The following IMMP2L variants were observed in gnomAD, a reference collection of about 807,000 sequenced individuals.
IMMP2L encodes the protein inner mitochondrial membrane peptidase subunit 2.
In IMMP2L, 18 loss-of-function variants were observed where a neutral mutation model predicts 19.3. That is an observed-to-expected ratio of 0.93 (90% CI 0.64 to 1.38). The LOEUF (loss-of-function observed/expected upper bound fraction) is 1.38, where lower values mean the gene tolerates loss of function less well. IMMP2L is among the 40% of genes most tolerant of loss of function. IMMP2L has a pLI of 0.00. For synonymous variants in IMMP2L, 76 were observed against 73.0 expected (o/e 1.04, Z -0.21); for missense variants, 233 against 218.2 (o/e 1.07, Z -0.43).
chr7:110,764,583 T>C (rs1798547051), intron 5 of IMMP2L, among the ~76,000 whole-genome samples: 1 of 152,122 alleles, frequency 6.6e-6, no homozygotes, highest in African/African-American at 2.4e-5. Context: ...ACAAATCCTG[T>C]ATTAAAAAAT....
chr7:111,059,120 T>C (rs529310333), intron 3 of IMMP2L, among the ~76,000 whole-genome samples: 1 of 152,028 alleles, frequency 6.6e-6, no homozygotes. Flanking sequence ...GTAGCTGGGA[T>C]TGCAGGCACC....
chr7:111,328,982 T>C (rs1178985431), intron 3 of IMMP2L, among the ~76,000 whole-genome samples: 1 of 151,840 alleles, frequency 6.6e-6, no homozygotes, highest in African/African-American at 2.4e-5. Context: ...AGTAAGACCT[T>C]GGTAAGATCT....
intron 3 of IMMP2L, among the ~76,000 whole-genome samples, chr7:111,297,109 GGAT>G (rs2129863751): frequency 6.6e-6 from 1 of 152,080 alleles, no homozygotes; most frequent in East Asian, 1.9e-4. Context: ...GGAATCTTTG[GGAT>G]AACAGGAAAG....
chr7:111,217,675 A>G (rs76552042), intron 3 of IMMP2L, among the ~76,000 whole-genome samples: 1,965 of 152,246 alleles, frequency 0.013, 16 homozygotes, highest in Non-Finnish European at 0.02. Flanking sequence ...TAACAAAACT[A>G]GTATATTTTA....
At chr7:111,539,205 A>G (rs867168721) in intron 1 of IMMP2L, among the ~76,000 whole-genome samples, 26,441 of 53,134 alleles carry the variant, frequency 0.5, 6,636 homozygotes, top group East Asian at 0.55. Flanking sequence ...GGAGAAAGAA[A>G]GAAAGAAAGA....
chr7:110,724,283 G>A (rs891029733), intron 5 of IMMP2L: 18 of 152,156 alleles, frequency 1.2e-4, no homozygotes, highest in African/African-American at 3.9e-4. Flanking sequence ...ATAAGATTAT[G>A]CTTTTGAGTT....
intron 5 of IMMP2L, among the ~76,000 whole-genome samples, chr7:110,852,831 T>C (rs1388394643): frequency 6.6e-6 from 1 of 152,030 alleles, no homozygotes; most frequent in African/African-American, 2.4e-5. Context: ...AACTAAGATC[T>C]AAGCCCACAG....
chr7:111,014,082 G>T (rs2129564213), intron 3 of IMMP2L, among the ~76,000 whole-genome samples: 1 of 152,186 alleles, frequency 6.6e-6, no homozygotes, highest in East Asian at 1.9e-4. Flanking sequence ...AGTACAAACA[G>T]GCCAGGTGTG....
chr7:111,139,504 T>C (rs1321665648), intron 3 of IMMP2L, among the ~76,000 whole-genome samples: 1 of 152,078 alleles, frequency 6.6e-6, no homozygotes, highest in Admixed American at 6.6e-5. Flanking sequence ...TTATCTATGG[T>C]GGGAAAAACT....
intron 3 of IMMP2L, among the ~76,000 whole-genome samples, chr7:111,079,602 T>C (rs1329416789): frequency 1.3e-5 from 2 of 152,344 alleles, no homozygotes; most frequent in African/African-American, 4.8e-5. Context: ...ACATGTGTGC[T>C]TGCATATGCA....
At chr7:111,234,215 A>G (rs892608097) in intron 3 of IMMP2L, among the ~76,000 whole-genome samples, 2 of 152,114 alleles carry the variant, frequency 1.3e-5, no homozygotes, top group Non-Finnish European at 2.9e-5. Context: ...ATTGACAAAT[A>G]TGTGGAGATT....
chr7:111,350,038 G>A (rs1382360560), intron 3 of IMMP2L, among the ~76,000 whole-genome samples: 2 of 151,108 alleles, frequency 1.3e-5, no homozygotes, highest in Non-Finnish European at 2.9e-5. Context: ...TGCGATCTCA[G>A]CTCACTGCAA....
At chr7:111,045,354 A>ACTACC (rs1357892988) in intron 3 of IMMP2L, among the ~76,000 whole-genome samples, 4 of 152,144 alleles carry the variant, frequency 2.6e-5, no homozygotes. Context: ...AGTCCAATAT[A>ACTACC]CTACCCTTTC....
At chr7:110,817,517 T>C (rs1244007119) in intron 5 of IMMP2L, among the ~76,000 whole-genome samples, 1 of 151,974 alleles carries the variant, frequency 6.6e-6, no homozygotes, top group East Asian at 1.9e-4. Flanking sequence ...GAATCAATAT[T>C]GTGAAAATGG....
At chr7:110,701,417 A>AT (rs999735150) in intron 5 of IMMP2L, among the ~76,000 whole-genome samples, 16 of 150,672 alleles carry the variant, frequency 1.1e-4, no homozygotes, top group Admixed American at 8.0e-4. Flanking sequence ...TGACAAAAGA[A>AT]TTTTTTTTTT....
Position 111,410,872 on chromosome 7 carries a change from A to T in IMMP2L, c.239+76366T>A, listed in dbSNP as rs193185444. On this transcript the variant is annotated intron_variant, in intron 3 of 5. Transcript: ENST00000405709. ...AAAGTATGAAGGAAGAAAATATTTTAAAAATAAACAGTCTTGGTAACATGT... is the reference window on the plus strand; with the variant it reads ...AAAGTATGAAGGAAGAAAATATTTTTAAAATAAACAGTCTTGGTAACATGT... 6.1e-4 allele frequency among the ~76,000 whole-genome samples: 93 copies of T among 151,844 alleles called. 6 individuals carry two copies. Among genetic ancestry groups the T allele is most frequent in the African/African-American group, 2.1e-3 (86 of 41,264 alleles).
chr7:111,181,335 A>G (rs1252427734), intron 3 of IMMP2L, among the ~76,000 whole-genome samples: 3 of 152,048 alleles, frequency 2.0e-5, no homozygotes, highest in East Asian at 1.9e-4. Context: ...GAATAATCCT[A>G]TATCTGCATT....
chr7:111,027,196 A>C (rs1826924440), intron 3 of IMMP2L, among the ~76,000 whole-genome samples: 1 of 152,144 alleles, frequency 6.6e-6, no homozygotes, highest in South Asian at 2.1e-4. Flanking sequence ...ATAAACAAAC[A>C]ACTCAGTATG....
chr7:111,285,740 T>C (rs979707174), intron 3 of IMMP2L, among the ~76,000 whole-genome samples: 2 of 152,128 alleles, frequency 1.3e-5, no homozygotes, highest in African/African-American at 4.8e-5. Flanking sequence ...TCTCCAACTG[T>C]AAGTCAATTT....
Sources: allele counts gnomAD v4.1 joint callset (sites outside exome capture counted in the v4.1 genomes callset), GRCh38; gene constraint gnomAD v4.1.1; transcripts MANE v1.5; gene names NCBI Gene and HGNC (gene_info 2026-07-23, HGNC 2026-07-21).